Variants in ANKS1B observed in about 807,000 individuals in gnomAD.
ANKS1B encodes ankyrin repeat and sterile alpha motif domain containing 1B.
A neutral mutation model predicts 148.3 loss-of-function variants in ANKS1B; 36 were observed. The ratio of observed to expected loss-of-function variants is 0.24; its 90% CI spans 0.19 to 0.32. The LOEUF (loss-of-function observed/expected upper bound fraction) is 0.32. ANKS1B is among the 10% of genes least tolerant of loss of function. The pLI is 1.00. For missense variants in ANKS1B, 1,157 were observed against 1,542.6 expected, an observed-to-expected ratio of 0.75 and a Z score of 4.19; for synonymous variants, 542 against 560.8, an observed-to-expected ratio of 0.97 and a Z score of 0.47.
chr12:99,537,919 TATTTG>T (rs1439271940), intron 9 of ANKS1B, among the ~76,000 whole-genome samples: 1 of 152,120 alleles, frequency 6.6e-6, no homozygotes, highest in African/African-American at 2.4e-5. Context: ...AATTCATTTT[TATTTG>T]ATTTTTGTAA....
At chr12:99,178,919 A>G (rs1284809759) in intron 14 of ANKS1B, among the ~76,000 whole-genome samples, 1 of 152,222 alleles carries the variant, frequency 6.6e-6, no homozygotes, top group Non-Finnish European at 1.5e-5. Context: ...CTAATGAACT[A>G]TCAATGACTA....
chr12:99,007,215 A>C (rs1401933291), intron 17 of ANKS1B, among the ~76,000 whole-genome samples: 1 of 152,228 alleles, frequency 6.6e-6, no homozygotes, highest in African/African-American at 2.4e-5. Flanking sequence ...GAAGATGATC[A>C]GGAACTAGTT....
At chr12:99,201,854 C>A (rs1362479150) in intron 14 of ANKS1B, among the ~76,000 whole-genome samples, 1 of 152,116 alleles carries the variant, frequency 6.6e-6, no homozygotes, top group Non-Finnish European at 1.5e-5. Flanking sequence ...TCCAGTTACA[C>A]AATAAGCAGT....
intron 17 of ANKS1B, among the ~76,000 whole-genome samples, chr12:99,033,154 T>G (rs762439720): frequency 2.1e-4 from 32 of 152,234 alleles, no homozygotes; most frequent in Non-Finnish European, 3.8e-4. Context: ...AGGACCCATT[T>G]CAACCAATGA....
intron 16 of ANKS1B, among the ~76,000 whole-genome samples, chr12:99,082,180 C>A (rs2050031336): frequency 6.6e-6 from 1 of 152,030 alleles, no homozygotes; most frequent in Non-Finnish European, 1.5e-5. Context: ...ACCTTATGGA[C>A]CTTGCTTCCT....
chr12:99,667,620 A>T (rs181694861), intron 8 of ANKS1B, among the ~76,000 whole-genome samples: 1 of 152,282 alleles, frequency 6.6e-6, no homozygotes, highest in African/African-American at 2.4e-5. Flanking sequence ...TTGCCAGTAC[A>T]ATGTTGAATA....
chr12:99,946,611 C>G (rs927420865), intron 1 of ANKS1B, among the ~76,000 whole-genome samples: 1 of 152,136 alleles, frequency 6.6e-6, no homozygotes, highest in East Asian at 1.9e-4. Flanking sequence ...AAATTTTGGG[C>G]AATGGATATG....
At position 99,322,828 on chromosome 12, in the gene ANKS1B, T is replaced by A. The variant is rs377224830; in HGVS notation, c.1757-75964A>T. Reference sequence around the variant, plus strand: ...GAAGATAACTGAATCATGGAGGAAGTTTTCCCCGTACCGTTCTCACGGTAG... The same window carrying A: ...GAAGATAACTGAATCATGGAGGAAGATTTCCCCGTACCGTTCTCACGGTAG... On this transcript the variant is annotated intron_variant, in intron 12 of 26. Transcript: ENST00000683438. 7.1e-4 allele frequency among the ~76,000 whole-genome samples: 108 copies of A among 152,274 alleles called. 1 individual carries two copies. In the South Asian group the frequency reaches 0.02, roughly 28 times the overall value.
chr12:98,999,762 G>A lies in ANKS1B; in HGVS notation c.2778+53395C>T, dbSNP rs527296686. 3.9e-5 allele frequency among the ~76,000 whole-genome samples: 6 copies of A among 152,284 alleles called. No individual in the cohort carries two copies. In the South Asian group the frequency reaches 8.3e-4, roughly 21 times the overall value. The stretch of plus-strand genomic sequence containing the variant: ...GTTGGTGCTTTCCAGCCGGCACCGC[G>A]TGTGAAGGGCATGTGGTTGGGCTGG... On this transcript the variant is annotated intron_variant, in intron 17 of 26. Transcript: ENST00000683438.
chr12:99,861,493 T>C (rs1164854593), intron 1 of ANKS1B, among the ~76,000 whole-genome samples: 2 of 152,216 alleles, frequency 1.3e-5, no homozygotes, highest in African/African-American at 4.8e-5. Context: ...CAACCTGCAA[T>C]TCAAAATATC....
At chr12:99,487,625 A>C (rs1162622697) in intron 10 of ANKS1B, among the ~76,000 whole-genome samples, 1 of 144,404 alleles carries the variant, frequency 6.9e-6, no homozygotes. Context: ...TGGGGGGGGG[A>C]CATTTTTCAA....
intron 8 of ANKS1B, among the ~76,000 whole-genome samples, chr12:99,664,138 C>T (rs945215796): frequency 6.6e-6 from 1 of 151,388 alleles, no homozygotes; most frequent in Non-Finnish European, 1.5e-5. Flanking sequence ...GTTAAAGTCA[C>T]CTTAGAAAGT....
intron 2 of ANKS1B, among the ~76,000 whole-genome samples, chr12:99,816,901 A>G (rs948726110): frequency 1.3e-5 from 2 of 151,652 alleles, no homozygotes; most frequent in African/African-American, 4.8e-5. Context: ...ATTTTTATTG[A>G]TACATAATAG....
intron 10 of ANKS1B, among the ~76,000 whole-genome samples, chr12:99,445,933 G>C (rs775035178): frequency 3.3e-5 from 5 of 151,830 alleles, no homozygotes; most frequent in Non-Finnish European, 7.4e-5. Context: ...ATATTGCTCA[G>C]GCTAGTCTTG....
chr12:98,977,489 G>A (rs2099898963), intron 17 of ANKS1B, among the ~76,000 whole-genome samples: 2 of 144,976 alleles, frequency 1.4e-5, no homozygotes, highest in African/African-American at 5.7e-5. Context: ...GAAAATGCAA[G>A]CTTCACTTTC....
At chr12:99,901,364 C>A (rs555755402) in intron 1 of ANKS1B, among the ~76,000 whole-genome samples, 7 of 152,186 alleles carry the variant, frequency 4.6e-5, no homozygotes, top group African/African-American at 1.7e-4. Context: ...ATTATCTCAA[C>A]GCCAGCTGTC....
At chr12:99,735,018 C>G (rs895900571) in intron 8 of ANKS1B, among the ~76,000 whole-genome samples, 7 of 152,162 alleles carry the variant, frequency 4.6e-5, no homozygotes, top group Non-Finnish European at 8.8e-5. Flanking sequence ...TAAGGTCAAT[C>G]TAGTCTTTTT....
chr12:99,922,120 A>G (rs1566004034), intron 1 of ANKS1B, among the ~76,000 whole-genome samples: 1 of 152,204 alleles, frequency 6.6e-6, no homozygotes, highest in Non-Finnish European at 1.5e-5. Flanking sequence ...GGGAGTTGTT[A>G]TAATTAAATA....
At chr12:99,731,413 CGTGTGTGTGTGTGTGTGT>C (rs71088145) in intron 8 of ANKS1B, among the ~76,000 whole-genome samples, 28,054 of 143,814 alleles carry the variant, frequency 0.2, 2,987 homozygotes, top group Middle Eastern at 0.25. Flanking sequence ...ACCACCGTGC[CGTGTGTGTGTGTGTGTGT>C]GTGTGTGTGT....
Sources: allele counts gnomAD v4.1 joint callset (sites outside exome capture counted in the v4.1 genomes callset), GRCh38; gene constraint gnomAD v4.1.1; transcripts MANE v1.5; gene names NCBI Gene and HGNC (gene_info 2026-07-23, HGNC 2026-07-21).